The following UPP2 variants were observed in gnomAD, a reference collection of about 807,000 sequenced individuals.
UPP2 encodes UPase 2.
In UPP2, 23 loss-of-function variants were observed where a neutral mutation model predicts 26.7. That is an observed-to-expected ratio of 0.86 (90% CI 0.62 to 1.22). The LOEUF is 1.22. Among genes scored for constraint, UPP2 ranks in the 50% most tolerant of loss-of-function variants. The probability of loss-of-function intolerance (pLI) is 0.00; values close to 1 mark genes in which losing one functional copy is unlikely to be tolerated. For missense variants in UPP2, 387 were observed against 396.7 expected (o/e 0.98, Z 0.21); for synonymous variants, 127 against 141.3 (o/e 0.90, Z 0.72).
At chr2:158,000,468 A>T (rs558173491) in intron 2 of UPP2, among the ~76,000 whole-genome samples, 5 of 152,346 alleles carry the variant, frequency 3.3e-5, no homozygotes, top group African/African-American at 4.8e-5. Flanking sequence ...GTAGCAAATG[A>T]GGTCATCTCT....
intron 3 of UPP2, among the ~76,000 whole-genome samples, chr2:158,057,757 T>C (rs1682271036): frequency 6.6e-6 from 1 of 150,802 alleles, no homozygotes; most frequent in South Asian, 2.1e-4. Flanking sequence ...TTTTAACTTC[T>C]TTTTTTGTTG....
chr2:158,059,244 C>G (rs763804137), intron 3 of UPP2, among the ~76,000 whole-genome samples: 2 of 152,188 alleles, frequency 1.3e-5, no homozygotes, highest in Admixed American at 6.5e-5. Flanking sequence ...ATGGAATCTC[C>G]GAACTTACAG....
intron 3 of UPP2, among the ~76,000 whole-genome samples, chr2:158,045,552 C>T (rs987357834): frequency 6.6e-6 from 1 of 152,170 alleles, no homozygotes; most frequent in Admixed American, 6.5e-5. Context: ...CCATGTTGCC[C>T]TCTGCACCTC....
chr2:158,083,867 T>TATATATATATATATATATATATATATA (rs1553467792), intron 3 of UPP2, among the ~76,000 whole-genome samples: 22 of 145,866 alleles, frequency 1.5e-4, no homozygotes, highest in African/African-American at 5.3e-4. Flanking sequence ...TATATGTTTT[T>TATATATATATATATATATATATATATA]TATATATATA....
chr2:158,091,045 C>A (rs942559573), intron 3 of UPP2, among the ~76,000 whole-genome samples: 5 of 152,192 alleles, frequency 3.3e-5, no homozygotes, highest in African/African-American at 1.2e-4. Context: ...AAAACAGTCT[C>A]CAGTGAGAAA....
intron 3 of UPP2, among the ~76,000 whole-genome samples, chr2:158,020,448 G>C (rs1683731849): frequency 6.6e-6 from 1 of 152,230 alleles, no homozygotes; most frequent in African/African-American, 2.4e-5. Flanking sequence ...CCAGAGACTG[G>C]ACGGCAGGGT....
At chr2:158,083,867 T>TATATATATATATATATATATATA (rs1553467792) in intron 3 of UPP2, among the ~76,000 whole-genome samples, 86 of 145,848 alleles carry the variant, frequency 5.9e-4, no homozygotes, top group African/African-American at 2.0e-3. Flanking sequence ...TATATGTTTT[T>TATATATATATATATATATATATA]TATATATATA....
chr2:158,120,734 GCTTCC>G (rs1226879423), intron 4 of UPP2, among the ~76,000 whole-genome samples: 4 of 152,072 alleles, frequency 2.6e-5, no homozygotes, highest in African/African-American at 9.6e-5. Flanking sequence ...TCATTTGTTT[GCTTCC>G]CTTCTGTGGA....
intron 3 of UPP2, among the ~76,000 whole-genome samples, chr2:158,051,978 A>G (rs1682167436): frequency 6.6e-6 from 1 of 152,148 alleles, no homozygotes; most frequent in South Asian, 2.1e-4. Flanking sequence ...GTCCTAACCC[A>G]TGAGGCCTTC....
intron 3 of UPP2, among the ~76,000 whole-genome samples, chr2:158,080,805 A>G (rs1156419717): frequency 6.6e-6 from 1 of 152,148 alleles, no homozygotes; most frequent in Non-Finnish European, 1.5e-5. Flanking sequence ...AAAGTAGGGG[A>G]GGATTAGAAT....
chr2:158,058,317 AAAAAAAAG>A lies in UPP2; in HGVS notation c.147+42434_147+42441del, dbSNP rs1477171961. On this transcript the variant is annotated intron_variant, in intron 3 of 9. Transcript: ENST00000605860. ...CAAAAAAAAAAAAAAAAAAAAAAAA[AAAAAAAAG>A]AAGAAGAAGAAGAAGAGACGCAAGG... Among the ~76,000 whole-genome samples the A allele has an allele frequency of 1.2e-3, 18 of 14,746 alleles. 2 individuals are homozygous for A. Among genetic ancestry groups the A allele is most frequent in the South Asian group, 9.5e-3 (13 of 1,368 alleles). 9.7% of individuals were successfully genotyped at this position (14,746 alleles called of 152,430 possible).
intron 3 of UPP2, among the ~76,000 whole-genome samples, chr2:158,079,875 T>A (rs1415332279): frequency 6.6e-6 from 1 of 152,140 alleles, no homozygotes; most frequent in Non-Finnish European, 1.5e-5. Context: ...TTCTGTGAAG[T>A]GTATCATGGG....
At chr2:158,128,520 T>C (rs917713901) in intron 6 of UPP2, among the ~76,000 whole-genome samples, 2 of 152,156 alleles carry the variant, frequency 1.3e-5, no homozygotes, top group African/African-American at 4.8e-5. Context: ...ATTGCAGGGC[T>C]CTTCACCTTT....
chr2:158,019,639 AACACACACACACACACACACACACAC>A (rs57149695), intron 3 of UPP2, among the ~76,000 whole-genome samples: 2 of 141,092 alleles, frequency 1.4e-5, no homozygotes, highest in African/African-American at 2.6e-5. Context: ...AATCCTTTAA[AACACACACACACACACACACACACAC>A]ACACACACAC....
At chr2:158,012,234 G>A (rs186688250) in intron 2 of UPP2, among the ~76,000 whole-genome samples, 2 of 145,110 alleles carry the variant, frequency 1.4e-5, no homozygotes, top group African/African-American at 2.5e-5. Context: ...AGTTTCAAAG[G>A]TTCAATAATC....
chr2:158,026,823 C>T (rs1038040076), intron 3 of UPP2, among the ~76,000 whole-genome samples: 5 of 152,042 alleles, frequency 3.3e-5, no homozygotes, highest in African/African-American at 9.7e-5. Context: ...TCCACATGGC[C>T]GGAGAGACCT....
intron 3 of UPP2, among the ~76,000 whole-genome samples, chr2:158,035,546 C>T (rs1306702287): frequency 6.6e-6 from 1 of 152,138 alleles, no homozygotes; most frequent in East Asian, 1.9e-4. Context: ...AAAGGAACTC[C>T]TCCTCCATTT....
At chr2:158,038,493 G>A (rs1684036866) in intron 3 of UPP2, among the ~76,000 whole-genome samples, 1 of 152,202 alleles carries the variant, frequency 6.6e-6, no homozygotes, top group South Asian at 2.1e-4. Flanking sequence ...GGCAGATGCT[G>A]GAATGATATA....
chr2:158,065,338 T>C (rs6752601), intron 3 of UPP2, among the ~76,000 whole-genome samples: 3,833 of 152,314 alleles, frequency 0.025, 161 homozygotes, highest in African/African-American at 0.087. Flanking sequence ...GCTTCCTTTC[T>C]GTTGCCTCAG....
Sources: allele counts gnomAD v4.1 joint callset (sites outside exome capture counted in the v4.1 genomes callset), GRCh38; gene constraint gnomAD v4.1.1; transcripts MANE v1.5; gene names NCBI Gene and HGNC (gene_info 2026-07-23, HGNC 2026-07-21).